Variants in NXPE2 observed in about 807,000 individuals in gnomAD.
NXPE2 encodes neurexophilin and PC-esterase domain family member 2.
In NXPE2, 34 loss-of-function variants were observed where a neutral mutation model predicts 34.4. The observed-to-expected ratio is 0.99, with a 90% confidence interval of 0.75 to 1.31. The LOEUF is 1.31. Ranked by LOEUF, NXPE2 falls within the 40% of genes most tolerant of loss-of-function variation. NXPE2 has a pLI of 0.00. For missense variants in NXPE2, 649 were observed against 672.5 expected, an observed-to-expected ratio of 0.97 and a Z score of 0.39; for synonymous variants, 235 against 231.3, an observed-to-expected ratio of 1.02 and a Z score of -0.15.
At chr11:114,764,151 C>T in the NXPE2 span, among the ~76,000 whole-genome samples, 1 of 152,148 alleles carries the variant, frequency 6.6e-6, no homozygotes, top group Non-Finnish European at 1.5e-5. Flanking sequence ...TTACTGCTTT[C>T]CTTCTTTACA....
At chr11:114,806,633 A>G in the NXPE2 span, among the ~76,000 whole-genome samples, 32 of 152,308 alleles carry the variant, frequency 2.1e-4, no homozygotes, top group Non-Finnish European at 3.4e-4. Flanking sequence ...AAGCGAGAAG[A>G]GAAGTTTAGA....
the NXPE2 span, among the ~76,000 whole-genome samples, chr11:114,570,054 C>T: frequency 2.5e-4 from 38 of 152,296 alleles, 1 homozygote; most frequent in African/African-American, 6.7e-4. Context: ...TGTTGTAATG[C>T]TGCATTTGTT....
At chr11:114,607,721 C>T in the NXPE2 span, among the ~76,000 whole-genome samples, 1 of 151,988 alleles carries the variant, frequency 6.6e-6, no homozygotes, top group Non-Finnish European at 1.5e-5. Context: ...TAATTGTTGC[C>T]TCGTGGGTAA....
the NXPE2 span, among the ~76,000 whole-genome samples, chr11:114,587,472 A>G: frequency 6.6e-6 from 1 of 152,250 alleles, no homozygotes; most frequent in Admixed American, 6.5e-5. Flanking sequence ...CTCAAGATCC[A>G]TCTATTGGAG....
intron 2 of NXPE2, among the ~76,000 whole-genome samples, chr11:114,687,072 G>A (rs958205181): frequency 2.6e-5 from 4 of 151,906 alleles, no homozygotes; most frequent in South Asian, 2.1e-4. Context: ...TTGTCTGTTT[G>A]TTCTGTTGAT....
chr11:114,496,577 A>G, the NXPE2 span, among the ~76,000 whole-genome samples: 1 of 152,104 alleles, frequency 6.6e-6, no homozygotes, highest in Non-Finnish European at 1.5e-5. Flanking sequence ...CCATTTGGCC[A>G]TTTGGTTCCA....
At chr11:114,722,924 C>T in the NXPE2 span, among the ~76,000 whole-genome samples, 1 of 151,990 alleles carries the variant, frequency 6.6e-6, no homozygotes, top group African/African-American at 2.4e-5. Flanking sequence ...TGTCATTTAG[C>T]AAACAAAAGA....
At chr11:114,636,195 G>C in the NXPE2 span, among the ~76,000 whole-genome samples, 1 of 151,870 alleles carries the variant, frequency 6.6e-6, no homozygotes, top group Non-Finnish European at 1.5e-5. Flanking sequence ...GTCTTAGGAG[G>C]GTGTATGTGT....
At chr11:114,539,206 T>G in the NXPE2 span, among the ~76,000 whole-genome samples, 1 of 149,728 alleles carries the variant, frequency 6.7e-6, no homozygotes, top group Non-Finnish European at 1.5e-5. Context: ...TACCGCATGT[T>G]CTCACTCATA....
chr11:114,794,305 A>G, the NXPE2 span, among the ~76,000 whole-genome samples: 3 of 152,028 alleles, frequency 2.0e-5, no homozygotes, highest in Non-Finnish European at 4.4e-5. Context: ...TAGATGAAGC[A>G]CCCTTCCCCC....
the NXPE2 span, among the ~76,000 whole-genome samples, chr11:114,514,755 A>T: frequency 6.6e-6 from 1 of 152,112 alleles, no homozygotes; most frequent in African/African-American, 2.4e-5. Flanking sequence ...TCTTTTCTTT[A>T]TTCAGCAGTG....
the NXPE2 span, among the ~76,000 whole-genome samples, chr11:114,770,963 GTAATT>G: frequency 6.6e-6 from 1 of 152,094 alleles, no homozygotes; most frequent in Non-Finnish European, 1.5e-5. Flanking sequence ...ACCTCTCAGG[GTAATT>G]TAATTATTCA....
the NXPE2 span, among the ~76,000 whole-genome samples, chr11:114,747,905 G>A: frequency 6.6e-6 from 1 of 152,176 alleles, no homozygotes; most frequent in African/African-American, 2.4e-5. Flanking sequence ...GCTGTACAAT[G>A]GATTGCTTGA....
chr11:114,480,731 G>C, the NXPE2 span, among the ~76,000 whole-genome samples: 1 of 152,104 alleles, frequency 6.6e-6, no homozygotes, highest in African/African-American at 2.4e-5. Context: ...GTATTGTTGT[G>C]GGAGACCCTT....
intron 2 of NXPE2, among the ~76,000 whole-genome samples, chr11:114,682,926 A>G (rs1377095368): frequency 6.6e-6 from 1 of 151,992 alleles, no homozygotes; most frequent in Non-Finnish European, 1.5e-5. Context: ...AGGGGAGAGA[A>G]AACCAAAACC....
the NXPE2 span, among the ~76,000 whole-genome samples, chr11:114,719,498 C>G: frequency 1.6e-4 from 25 of 152,192 alleles, no homozygotes; most frequent in Non-Finnish European, 3.1e-4. Flanking sequence ...TCACATTGTC[C>G]TTGGTGGACG....
chr11:114,634,481 G>C, the NXPE2 span, among the ~76,000 whole-genome samples: 6 of 152,072 alleles, frequency 3.9e-5, no homozygotes, highest in Non-Finnish European at 8.8e-5. Context: ...GATCCCACTT[G>C]TCAATTTTGG....
chr11:114,640,378 C>T, the NXPE2 span, among the ~76,000 whole-genome samples: 161 of 149,366 alleles, frequency 1.1e-3, no homozygotes, highest in African/African-American at 3.9e-3. Context: ...GTTTCTTTAT[C>T]CACTCATGTG....
intron 2 of NXPE2, among the ~76,000 whole-genome samples, chr11:114,684,155 C>T (rs993245542): frequency 1.8e-4 from 28 of 152,178 alleles, no homozygotes; most frequent in Middle Eastern, 3.4e-3. Flanking sequence ...AGGCCAGGCC[C>T]GGTGGCTTAT....
Sources: allele counts gnomAD v4.1 joint callset (sites outside exome capture counted in the v4.1 genomes callset), GRCh38; gene constraint gnomAD v4.1.1; transcripts MANE v1.5; gene names NCBI Gene and HGNC (gene_info 2026-07-23, HGNC 2026-07-21).